The following CXCL5 variants were observed in gnomAD, a reference collection of about 807,000 sequenced individuals.
CXCL5 encodes C-X-C motif chemokine ligand 5.
In CXCL5, 13 loss-of-function variants were observed where a neutral mutation model predicts 12.1. That is an observed-to-expected ratio of 1.08 (90% CI 0.70 to 1.71). CXCL5 has a LOEUF of 1.71. Ranked by LOEUF, CXCL5 falls within the 40% of genes most tolerant of loss-of-function variation. The pLI is 0.00. For missense variants in CXCL5, 159 were observed against 142.4 expected, an observed-to-expected ratio of 1.12 and a Z score of -0.59; for synonymous variants, 67 against 59.0, an observed-to-expected ratio of 1.14 and a Z score of -0.62.
At chr4:73,997,708 T>C (rs1719227382) in intron 3 of CXCL5, 53 bp from the exon 4 acceptor site, 2 of 1,387,750 alleles carry the variant, frequency 1.4e-6, no homozygotes, top group Non-Finnish European at 2.0e-6. Flanking sequence ...TCCTTTCTAC[T>C]CCACCCTTGT....
chr4:73,998,265 T>C lies in CXCL5; in HGVS notation c.183A>G (p.Lys61=). The change falls in exon 2 of 4, where the codon AAA becomes AAG. Residue 61 remains lysine (K), a synonymous_variant. Transcript: ENST00000296027. ...CGAACACTTGCAGATTACTGATCAT[T>C]TTGGGATGAACTCCTTGCGTGGTCT... is the stretch of plus-strand genomic sequence containing the variant. The part of the protein sequence containing the change: ...CLQTTQGVHP[K]MISNLQVFAI... 1 of 1,614,086 alleles carries C rather than the reference T, an allele frequency of 6.2e-7. No individual in the cohort carries two copies. Among genetic ancestry groups the C allele is most frequent in the Non-Finnish European group, 8.5e-7 (1 of 1,180,002 alleles).
chr4:73,998,514 A>T lies in CXCL5; in HGVS notation c.68T>A (p.Val23Glu), dbSNP rs2109736852. The T allele has an allele frequency of 4.4e-6, 7 of 1,596,812 alleles. No homozygotes were observed. Among genetic ancestry groups the T allele is most frequent in the Non-Finnish European group, 6.0e-6 (7 of 1,171,332 alleles). Residue 23 changes from valine to glutamate, a missense_variant, in exon 1 of 4, where the codon GTG (valine) becomes GAG (glutamate). Physicochemically the swap from Val to Glu is moderately radical, Grantham distance 121 (BLOSUM62 -2). Transcript: ENST00000296027. ...TGGCTGCGTCAGCAGCAGCAGCAGC[A>T]CCAACAGCGCGCACAAGGAGCTCGA... ...GPSSSLCALL[V>E]LLLLLTQPGP...
In CXCL5 at chr4:73,996,959, A is replaced by C. The variant is rs1283297202; in HGVS notation, c.*678T>G. On this transcript the variant is annotated 3_prime_UTR_variant, in exon 4 of 4. Coordinates refer to ENST00000296027, the MANE Select transcript of CXCL5 (RefSeq NM_002994.5). ...GATGGCAGTTTGCCATACTAAAAAG[A>C]TAAAGAATGTCTAAAATTATAGGAA... 6.6e-6 allele frequency: 1 copy of C among 152,192 alleles called. No individual in the cohort carries two copies. Among genetic ancestry groups the C allele is most frequent in the East Asian group, 1.9e-4 (1 of 5,204 alleles). The allele number at this position is 152,192 out of a possible 1,614,324, so 9.4% of individuals were successfully genotyped here. A position where few individuals can be genotyped will look rare whatever the true frequency, so the allele number is the denominator to read the frequency against.
chr4:73,997,463 T>G lies in CXCL5; in HGVS notation c.*174A>C. On this transcript the variant is annotated 3_prime_UTR_variant, in exon 4 of 4. Transcript: ENST00000296027. ...TGAAAGCTTAAGCGGCAAACATAGG[T>G]TTTCCTCACACTCTTCAAAGTGAGG... is the stretch of plus-strand genomic sequence containing the variant. 1 of 599,014 alleles carries G rather than the reference T, an allele frequency of 1.7e-6. No homozygotes were observed. The highest frequency in any genetic ancestry group is 2.9e-6 in the Non-Finnish European group (1 of 340,638). The allele number at this position is 599,014 out of a possible 1,614,324, so 37.1% of individuals were successfully genotyped here. A position where few individuals can be genotyped will look rare whatever the true frequency, so the allele number is the denominator to read the frequency against.
Position 73,998,554 on chromosome 4 carries a change from G to C in CXCL5, c.28C>G (p.Arg10Gly), listed in dbSNP as rs1360118908. The C allele has an allele frequency of 6.3e-7, 1 of 1,591,326 alleles. No homozygotes were observed. Among genetic ancestry groups the C allele is most frequent in the Non-Finnish European group, 8.6e-7 (1 of 1,168,890 alleles). The stretch of plus-strand genomic sequence containing the variant: ...AAGGAGCTCGAAGGACCGGGGACAC[G>C]GGCCGCGCGGCTGGACAGGAGGCTC... MSLLSSRAA[R>G]VPGPSSSLCA... The change falls in exon 1 of 4, where the codon CGT becomes GGT. Residue 10 changes from arginine to glycine, a missense_variant. Physicochemically the swap from Arg to Gly is moderately radical, Grantham distance 125. Transcript: ENST00000296027.
chr4:73,998,465 G>T lies in CXCL5; in HGVS notation c.109+8C>A. Reference sequence around the variant, plus strand: ...TGCGAGTGCGTCCCGCGCGCCATGCGCTCTCACCGCTGGCGATGGGCCCTG... The same window carrying T: ...TGCGAGTGCGTCCCGCGCGCCATGCTCTCTCACCGCTGGCGATGGGCCCTG... On this transcript the variant is annotated splice_region_variant and intron_variant, in intron 1 of 3. Transcript: ENST00000296027. 1 of 1,604,390 alleles carries T rather than the reference G, an allele frequency of 6.2e-7. No individual in the cohort carries two copies. The highest frequency in any genetic ancestry group is 8.5e-7 in the Non-Finnish European group (1 of 1,175,232).
rs573469052 is a variant in CXCL5, at chr4:73,997,872, A to G, written c.326+140T>C. 47 of 919,144 alleles carry G rather than the reference A, an allele frequency of 5.1e-5. 1 individual carries two copies. The highest frequency in any genetic ancestry group is 7.9e-5 in the Non-Finnish European group (46 of 581,674). The allele number at this position is 919,144 out of a possible 1,614,324, so 56.9% of individuals were successfully genotyped here. A position where few individuals can be genotyped will look rare whatever the true frequency, so the allele number is the denominator to read the frequency against. The stretch of plus-strand genomic sequence containing the variant: ...GGTATATTTTCCCAGGACAATCCAG[A>G]AAAACTTTCCCAATTCAACAACCTT... On this transcript the variant is annotated intron_variant, in intron 3 of 3. Coordinates refer to ENST00000296027, the MANE Select transcript of CXCL5 (RefSeq NM_002994.5).
chr4:73,995,751 T>C lies in CXCL5; in HGVS notation c.*1886A>G, dbSNP rs1719176344. Reference sequence around the variant, plus strand: ...TTTAATATAGTGAATGTAATATATATGTAATTACTCATAACAAAATGGTCA... The same window carrying C: ...TTTAATATAGTGAATGTAATATATACGTAATTACTCATAACAAAATGGTCA... On this transcript the variant is annotated 3_prime_UTR_variant, in exon 4 of 4. Transcript: ENST00000296027. 2.6e-5 allele frequency: 4 copies of C among 150,996 alleles called. No individual in the cohort carries two copies. The highest frequency in any genetic ancestry group is 9.7e-5 in the African/African-American group (4 of 41,252). The allele number at this position is 150,996 out of a possible 1,614,324, so 9.4% of individuals were successfully genotyped here.
At chr4:73,997,871 G>C in intron 3 of CXCL5, 141 bp downstream of exon 3, 1 of 915,804 alleles carries the variant, frequency 1.1e-6, no homozygotes, top group Non-Finnish European at 1.7e-6. Context: ...GGACAATCCA[G>C]AAAAACTTTC....
Position 73,998,014 on chromosome 4 carries a change from G to A in CXCL5, c.324C>T (p.Asp108=), listed in dbSNP as rs573521158. The A allele has an allele frequency of 9.9e-6, 16 of 1,613,588 alleles. No individual in the cohort carries two copies. The East Asian group carries it at 3.6e-4, about 36-fold the overall frequency. ...FLKKVIQKIL[D]GGNKEN ...ACAAAGATCAAAGTGACAAGTACCCGTCCAAAATTTTCTGGATGACTTTCT... is the reference window on the plus strand; with the variant it reads ...ACAAAGATCAAAGTGACAAGTACCCATCCAAAATTTTCTGGATGACTTTCT... The change falls in exon 3 of 4, where the codon GAC becomes GAT. Residue 108 remains aspartate, a splice_region_variant and synonymous_variant. Transcript: ENST00000296027.
At position 73,996,649 on chromosome 4, in the gene CXCL5, T is replaced by G. The variant is rs1203028223; in HGVS notation, c.*988A>C. 2.6e-5 allele frequency: 4 copies of G among 152,592 alleles called. No homozygotes were observed. The highest frequency in any genetic ancestry group is 9.7e-5 in the African/African-American group (4 of 41,438). 9.5% of individuals were successfully genotyped at this position (152,592 alleles called of 1,614,324 possible). A position where few individuals can be genotyped will look rare whatever the true frequency, so the allele number is the denominator to read the frequency against. ...CTCTGGTCCCCTATCCAAGGAGAAA[T>G]GCTAGGGCCTCGAGGATGTCGCTAT... On this transcript the variant is annotated 3_prime_UTR_variant, in exon 4 of 4. Coordinates refer to ENST00000296027, the MANE Select transcript of CXCL5 (RefSeq NM_002994.5).
chr4:73,998,271 A>T lies in CXCL5; in HGVS notation c.177T>A (p.His59Gln). The change falls in exon 2 of 4, where the codon CAT (histidine) becomes CAA (glutamine). Residue 59 changes from histidine to glutamine, a missense_variant. Transcript: ENST00000296027. ...CVCLQTTQGVHPKMISNLQVF... is the reference protein window; with the variant it reads ...CVCLQTTQGVQPKMISNLQVF... The stretch of plus-strand genomic sequence containing the variant: ...CTTGCAGATTACTGATCATTTTGGG[A>T]TGAACTCCTTGCGTGGTCTGTAAAC... 4 of 1,614,118 alleles carry T rather than the reference A, an allele frequency of 2.5e-6. No individual in the cohort carries two copies. Among genetic ancestry groups the T allele is most frequent in the Non-Finnish European group, 3.4e-6 (4 of 1,180,008 alleles).
chr4:73,998,605 C>G lies in CXCL5; in HGVS notation c.-24G>C, dbSNP rs1413286838. 2 of 1,557,262 alleles carry G rather than the reference C, an allele frequency of 1.3e-6. No homozygotes were observed. Among genetic ancestry groups the G allele is most frequent in the Admixed American group, 3.9e-5 (2 of 51,850 alleles). The stretch of plus-strand genomic sequence containing the variant: ...ATAGTGGTCAAGAGAGCGCTGCGAG[C>G]GGTCGCGGGTTCCTGAACTGGGTGG... On this transcript the variant is annotated 5_prime_UTR_variant, in exon 1 of 4. Coordinates refer to ENST00000296027, the MANE Select transcript of CXCL5 (RefSeq NM_002994.5).
In CXCL5 at chr4:73,998,564, G is replaced by T. The variant is rs202144674; in HGVS notation, c.18C>A (p.Ser6Arg). The T allele has an allele frequency of 3.8e-6, 6 of 1,588,784 alleles. No individual in the cohort carries two copies. The highest frequency in any genetic ancestry group is 5.1e-6 in the Non-Finnish European group (6 of 1,167,552). Residue 6 changes from serine (S) to arginine (R), a missense_variant, in exon 1 of 4, where the codon AGC becomes AGA. Ser to Arg is a moderately radical substitution (Grantham distance 110). Coordinates refer to ENST00000296027, the MANE Select transcript of CXCL5 (RefSeq NM_002994.5). Reference sequence around the variant, plus strand: ...AAGGACCGGGGACACGGGCCGCGCGGCTGGACAGGAGGCTCATAGTGGTCA... The same window carrying T: ...AAGGACCGGGGACACGGGCCGCGCGTCTGGACAGGAGGCTCATAGTGGTCA... Reference protein sequence around the residue: MSLLSSRAARVPGPSS... With the variant: MSLLSRRAARVPGPSS...
At position 73,997,257 on chromosome 4, in the gene CXCL5, A is replaced by G. The variant is rs1354230352; in HGVS notation, c.*380T>C. On this transcript the variant is annotated 3_prime_UTR_variant, in exon 4 of 4. Coordinates refer to ENST00000296027, the MANE Select transcript of CXCL5 (RefSeq NM_002994.5). Reference sequence around the variant, plus strand: ...CATTAAATCCACAGCCTTCTCAGTTAATATCTTAAGGAATATTTCTTGGAA... The same window carrying G: ...CATTAAATCCACAGCCTTCTCAGTTGATATCTTAAGGAATATTTCTTGGAA... The G allele has an allele frequency of 5.4e-6, 1 of 185,052 alleles. No homozygotes were observed. Among genetic ancestry groups the G allele is most frequent in the Non-Finnish European group, 1.1e-5 (1 of 90,528 alleles). The allele number at this position is 185,052 out of a possible 1,614,324, so 11.5% of individuals were successfully genotyped here. A position where few individuals can be genotyped will look rare whatever the true frequency, so the allele number is the denominator to read the frequency against.
Position 73,998,562 on chromosome 4 carries a change from C to T in CXCL5, c.20G>A (p.Arg7His), listed in dbSNP as rs1719255033. ...CGAAGGACCGGGGACACGGGCCGCG[C>T]GGCTGGACAGGAGGCTCATAGTGGT... MSLLSS[R>H]AARVPGPSSS... Residue 7 changes from arginine (R) to histidine (H), a missense_variant, in exon 1 of 4, where the codon CGC becomes CAC. By Grantham distance (29) the Arg-to-His change is conservative. Transcript: ENST00000296027. 2 of 1,589,414 alleles carry T rather than the reference C, an allele frequency of 1.3e-6. No homozygotes were observed. Among genetic ancestry groups the T allele is most frequent in the Admixed American group, 1.8e-5 (1 of 56,092 alleles).
rs142384343 is a variant in CXCL5, at chr4:73,998,360, C to T, written c.110-22G>A. 1,168 of 1,613,558 alleles carry T rather than the reference C, an allele frequency of 7.2e-4. 5 individuals carry two copies. The African/African-American group carries it at 0.014, about 19-fold the overall frequency. ...CCAGCTGGGGAAGAAAGAGAGACAC[C>T]CTTTATAGGGCAGGTTGCTGGGAGA... is the stretch of plus-strand genomic sequence containing the variant. On this transcript the variant is annotated intron_variant, in intron 1 of 3. Coordinates refer to ENST00000296027, the MANE Select transcript of CXCL5 (RefSeq NM_002994.5).
In CXCL5 at chr4:73,998,659, G is replaced by A; in HGVS notation, c.-78C>T. 15 of 1,253,928 alleles carry A rather than the reference G, an allele frequency of 1.2e-5. No homozygotes were observed. The highest frequency in any genetic ancestry group is 1.6e-5 in the Non-Finnish European group (14 of 878,472). 77.7% of individuals were successfully genotyped at this position (1,253,928 alleles called of 1,614,324 possible). A position where few individuals can be genotyped will look rare whatever the true frequency, so the allele number is the denominator to read the frequency against. ...AGCGGAGATTGGAGGAGCGAAGATTGGAGGATCCGGAGCACTGTGGCTTCC... is the reference window on the plus strand; with the variant it reads ...AGCGGAGATTGGAGGAGCGAAGATTAGAGGATCCGGAGCACTGTGGCTTCC... On this transcript the variant is annotated 5_prime_UTR_variant, in exon 1 of 4. Transcript: ENST00000296027.
chr4:73,998,480 G>A lies in CXCL5; in HGVS notation c.102C>T (p.Ile34=), dbSNP rs1374532128. The stretch of plus-strand genomic sequence containing the variant: ...CGCGCCATGCGCTCTCACCGCTGGC[G>A]ATGGGCCCTGGCTGCGTCAGCAGCA... The part of the protein sequence containing the change: ...LLLLLTQPGP[I]ASAGPAAAVL... Residue 34 remains isoleucine, a synonymous_variant, in exon 1 of 4, where the codon ATC becomes ATT. Coordinates refer to ENST00000296027, the MANE Select transcript of CXCL5 (RefSeq NM_002994.5). 7.5e-6 allele frequency: 12 copies of A among 1,602,514 alleles called. No homozygotes were observed. Among genetic ancestry groups the A allele is most frequent in the Non-Finnish European group, 1.0e-5 (12 of 1,174,168 alleles).
Sources: allele counts gnomAD v4.1 joint callset, GRCh38; gene constraint gnomAD v4.1.1; transcripts MANE v1.5; gene names NCBI Gene and HGNC (gene_info 2026-07-23, HGNC 2026-07-21).